Variants in PLEKHA6 observed in about 807,000 individuals in gnomAD.
PLEKHA6 encodes pleckstrin homology domain-containing family A member 6.
A neutral mutation model predicts 116.7 loss-of-function variants in PLEKHA6; 60 were observed. The ratio of observed to expected loss-of-function variants is 0.51; its 90% CI spans 0.42 to 0.64. PLEKHA6 has a LOEUF of 0.64. Among genes scored for constraint, PLEKHA6 ranks in the 30% least tolerant of loss-of-function variants. PLEKHA6 has a pLI of 0.00. For missense variants in PLEKHA6, 1,338 were observed against 1,422.7 expected, an observed-to-expected ratio of 0.94 and a Z score of 0.96; for synonymous variants, 489 against 556.1, an observed-to-expected ratio of 0.88 and a Z score of 1.70.
At chr1:204,317,136 A>C in intron 1 of PLEKHA6, 2 of 500,288 alleles carry the variant, frequency 4.0e-6, no homozygotes, top group Non-Finnish European at 5.2e-6. Context: ...TCTTCTGAGC[A>C]TAAAATAACT....
upstream of PLEKHA6, among the ~76,000 whole-genome samples, chr1:204,364,036 C>T (rs2103399397): frequency 6.6e-6 from 1 of 152,290 alleles, no homozygotes; most frequent in African/African-American, 2.4e-5. Flanking sequence ...AAAGAAAGAG[C>T]TTTTTGACAC....
intron 1 of PLEKHA6, among the ~76,000 whole-genome samples, chr1:204,299,433 A>C (rs1297171626): frequency 1.3e-5 from 2 of 152,142 alleles, no homozygotes; most frequent in African/African-American, 2.4e-5. Context: ...GATGTTTAAG[A>C]GGGAGCTGGC....
At chr1:204,299,992 A>T (rs953152486) in intron 1 of PLEKHA6, among the ~76,000 whole-genome samples, 15 of 152,196 alleles carry the variant, frequency 9.9e-5, no homozygotes, top group African/African-American at 3.6e-4. Flanking sequence ...TTAAGAGTCC[A>T]GATCTTGCCT....
At chr1:204,264,318 G>A (rs1666513715) in intron 6 of PLEKHA6, among the ~76,000 whole-genome samples, 1 of 152,144 alleles carries the variant, frequency 6.6e-6, no homozygotes, top group African/African-American at 2.4e-5. Flanking sequence ...TTTAACGGGT[G>A]GCTCCCCAGG....
At chr1:204,355,786 CAA>C (rs1377092147) in intron 1 of PLEKHA6, among the ~76,000 whole-genome samples, 1 of 152,030 alleles carries the variant, frequency 6.6e-6, no homozygotes, top group Admixed American at 6.6e-5. Context: ...TAAGAAAAGC[CAA>C]AGACTCGAAC....
In PLEKHA6 at chr1:204,248,948, A is replaced by G. The variant is rs749915361; in HGVS notation, c.1697T>C (p.Met566Thr). ...CATCTCCAGCTCCTGGTGGGTCCCCATCAAGGCACTTTCCAGGCTCTCCTG... is the reference window on the plus strand; with the variant it reads ...CATCTCCAGCTCCTGGTGGGTCCCCGTCAAGGCACTTTCCAGGCTCTCCTG... ...AEKESLESAL[M>T]GTHQELEMFG... Residue 566 changes from methionine to threonine, a missense_variant, in exon 12 of 23, where the codon ATG becomes ACG. This residue lies in a region of PLEKHA6 where 1,136 missense variants were observed against 1,163.6 expected (regional missense o/e 0.98). Coordinates refer to ENST00000272203, the MANE Select transcript of PLEKHA6 (RefSeq NM_014935.5). 43 of 1,614,108 alleles carry G rather than the reference A, an allele frequency of 2.7e-5. No homozygotes were observed. The South Asian group carries it at 4.4e-4, about 16-fold the overall frequency.
At chr1:204,309,158 G>T in intron 1 of PLEKHA6, 1 of 537,932 alleles carries the variant, frequency 1.9e-6, no homozygotes, top group Non-Finnish European at 2.4e-6. Context: ...TGACGTGCAG[G>T]CTGAGGTCAT....
At chr1:204,344,874 CA>C (rs1328753194) in intron 1 of PLEKHA6, among the ~76,000 whole-genome samples, 3 of 152,106 alleles carry the variant, frequency 2.0e-5, no homozygotes, top group Non-Finnish European at 4.4e-5. Flanking sequence ...GGTGGAGAAA[CA>C]AGCTGAAATC....
Position 204,273,745 on chromosome 1 carries a change from T to C in PLEKHA6, c.-13-5A>G, listed in dbSNP as rs753756460. On this transcript the variant is annotated splice_polypyrimidine_tract_variant and splice_region_variant and intron_variant, in intron 2 of 22. Transcript: ENST00000272203. ...TTGGACATGTCCAAGGTCGATCTGA[T>C]TTCAAGTCGACCAGAGAAAAGAGAT... The C allele has an allele frequency of 1.3e-5, 21 of 1,592,708 alleles. 2 individuals are homozygous for C. The South Asian group carries it at 1.8e-4, about 13-fold the overall frequency.
chr1:204,288,065 C>G (rs959970992), intron 1 of PLEKHA6, among the ~76,000 whole-genome samples: 1 of 152,174 alleles, frequency 6.6e-6, no homozygotes. Context: ...TCCAGAGCCA[C>G]CCAGACAAAC....
chr1:204,355,973 GCA>G (rs762932253), intron 1 of PLEKHA6, among the ~76,000 whole-genome samples: 8,659 of 71,544 alleles, frequency 0.12, 316 homozygotes, highest in African/African-American at 0.19. Context: ...GATGCTCATG[GCA>G]CACACACACA....
chr1:204,251,575 G>A (rs752679550), intron 9 of PLEKHA6: 24 of 702,808 alleles, frequency 3.4e-5, no homozygotes, highest in South Asian at 8.9e-5. Flanking sequence ...TCCACCATGC[G>A]GTTCACCATA....
At chr1:204,358,167 AC>A (rs1335060819) in intron 1 of PLEKHA6, among the ~76,000 whole-genome samples, 1 of 152,114 alleles carries the variant, frequency 6.6e-6, no homozygotes, top group Non-Finnish European at 1.5e-5. Context: ...TGATTGGAAA[AC>A]CAATGACTTT....
chr1:204,356,415 A>C (rs954692368), intron 1 of PLEKHA6, among the ~76,000 whole-genome samples: 3 of 152,022 alleles, frequency 2.0e-5, no homozygotes, highest in Non-Finnish European at 2.9e-5. Flanking sequence ...AAAATACATA[A>C]AATTAGCCAG....
intron 1 of PLEKHA6, among the ~76,000 whole-genome samples, chr1:204,335,207 C>A (rs1212305557): frequency 6.6e-6 from 1 of 152,082 alleles, no homozygotes; most frequent in Admixed American, 6.5e-5. Flanking sequence ...AGATAACAAA[C>A]CCCTGCCCCC....
At chr1:204,345,902 C>G (rs1167277675) in intron 1 of PLEKHA6, among the ~76,000 whole-genome samples, 1 of 152,244 alleles carries the variant, frequency 6.6e-6, no homozygotes, top group Non-Finnish European at 1.5e-5. Context: ...CACATCTGAA[C>G]ACACACAAGA....
rs1659769461 is a variant in PLEKHA6 at position 204,222,628 on chromosome 1, C to T, written c.*160G>A. Reference sequence around the variant, plus strand: ...GGTATCCACGGTCCTCTGGCAGCAGCCCATGGCCCCAGCCTGGCTCCCTGC... The same window carrying T: ...GGTATCCACGGTCCTCTGGCAGCAGTCCATGGCCCCAGCCTGGCTCCCTGC... On this transcript the variant is annotated 3_prime_UTR_variant, in exon 23 of 23. Coordinates refer to ENST00000272203, the MANE Select transcript of PLEKHA6 (RefSeq NM_014935.5). The T allele has an allele frequency of 6.5e-6, 1 of 152,710 alleles. No individual in the cohort carries two copies. The highest frequency in any genetic ancestry group is 2.1e-4 in the South Asian group (1 of 4,842). The allele number at this position is 152,710 out of a possible 1,614,324, so 9.5% of individuals were successfully genotyped here.
chr1:204,367,150 C>A (rs554012623), intron 3 of PLEKHA6, among the ~76,000 whole-genome samples: 1 of 152,312 alleles, frequency 6.6e-6, no homozygotes, highest in Admixed American at 6.5e-5. Context: ...CATGCACCAC[C>A]CCAGCCCAAA....
At chr1:204,349,186 G>C (rs1458421573) in intron 1 of PLEKHA6, among the ~76,000 whole-genome samples, 1 of 152,208 alleles carries the variant, frequency 6.6e-6, no homozygotes, top group Non-Finnish European at 1.5e-5. Flanking sequence ...AAGGGGGCCA[G>C]GACAGACACC....
Sources: gnomAD v4.1 joint callset for allele counts (sites outside exome capture counted in the v4.1 genomes callset) on GRCh38, gnomAD v4.1.1 for gene constraint, gnomAD v4.1.1 regional missense constraint, MANE v1.5 for transcripts, NCBI Gene and HGNC (gene_info 2026-07-23, HGNC 2026-07-21) for gene names.